Variants in GCA observed in about 807,000 individuals in gnomAD.
GCA encodes the protein grancalcin, also known as grancalcin, EF-hand calcium-binding protein.
Under a neutral mutation model 32.6 loss-of-function variants are expected in GCA, and 30 were observed. The ratio of observed to expected loss-of-function variants is 0.92; its 90% CI spans 0.69 to 1.25. GCA has a LOEUF of 1.25. Among genes scored for constraint, GCA ranks in the 50% most tolerant of loss-of-function variants. GCA has a pLI of 0.00. For missense variants in GCA, 291 were observed against 266.8 expected (o/e 1.09, Z -0.63); for synonymous variants, 102 against 84.6 (o/e 1.21, Z -1.13).
chr2:162,357,588 A>G (rs754082880), intron 5 of GCA, among the ~76,000 whole-genome samples: 9 of 151,870 alleles, frequency 5.9e-5, no homozygotes, highest in African/African-American at 1.2e-4. Context: ...TCTGAACCCA[A>G]TGGAAGTGGG....
upstream of GCA, among the ~76,000 whole-genome samples, chr2:162,341,052 C>A (rs1051371433): frequency 6.6e-6 from 1 of 151,878 alleles, no homozygotes; most frequent in Non-Finnish European, 1.5e-5. Flanking sequence ...TTACTATTGT[C>A]TGTTCTCCCT....
chr2:162,351,035 T>TGCTC (rs1243467315), intron 2 of GCA, among the ~76,000 whole-genome samples: 288 of 152,254 alleles, frequency 1.9e-3, no homozygotes, highest in African/African-American at 6.5e-3. Flanking sequence ...GGCCTCATAA[T>TGCTC]TAATAATGCT....
Position 162,325,653 on chromosome 2 carries a change from C to T in GCA, c.-31+6428C>T, listed in dbSNP as rs541006834. Among the ~76,000 whole-genome samples, 254 of 152,226 alleles carry T rather than the reference C, an allele frequency of 1.7e-3. 1 individual carries two copies. Among genetic ancestry groups the T allele is most frequent in the Non-Finnish European group, 6.2e-4 (42 of 68,014 alleles). On this transcript the variant is annotated intron_variant, in intron 1 of 4. Transcript: ENST00000429691. ...TCATCCATTGGTACTGCTTCTCTTC[C>T]GGTTGGATAATGTTTGCCCCCTTCC... is the stretch of plus-strand genomic sequence containing the variant.
At chr2:162,363,177 TG>T (rs1303050060), downstream of GCA, among the ~76,000 whole-genome samples, 2 of 151,416 alleles carry the variant, frequency 1.3e-5, no homozygotes, top group Non-Finnish European at 3.0e-5. Flanking sequence ...TGTTTTCTTC[TG>T]CTTTTCTAGT....
intron 3 of GCA, among the ~76,000 whole-genome samples, chr2:162,355,996 C>T (rs948723867): frequency 2.6e-5 from 4 of 151,956 alleles, no homozygotes; most frequent in Non-Finnish European, 5.9e-5. Context: ...TGATTTGGCC[C>T]TCATTTGCCT....
intron 1 of GCA, among the ~76,000 whole-genome samples, chr2:162,329,730 A>G (rs1425189726): frequency 6.6e-6 from 1 of 151,956 alleles, no homozygotes; most frequent in East Asian, 1.9e-4. Context: ...GGTTTATTAC[A>G]TAGGTAAACT....
chr2:162,344,782 A>C (rs1028238571), intron 1 of GCA, among the ~76,000 whole-genome samples: 1 of 152,092 alleles, frequency 6.6e-6, no homozygotes, highest in African/African-American at 2.4e-5. Flanking sequence ...GGCGGGGGGA[A>C]GTTACTCTTT....
At position 162,344,243 on chromosome 2, in the gene GCA, C is replaced by T. The variant is rs757623211; in HGVS notation, c.-6C>T. 27 of 1,613,628 alleles carry T rather than the reference C, an allele frequency of 1.7e-5. No individual in the cohort carries two copies. The South Asian group carries it at 3.0e-4, about 18-fold the overall frequency. ...GGTGACGCTCGCTCCGCTCGTCCCG[C>T]TCGTCATGGCCTACCCGGGATACGG... On this transcript the variant is annotated 5_prime_UTR_variant, in exon 1 of 8. Coordinates refer to ENST00000437150, the MANE Select transcript of GCA (RefSeq NM_012198.5).
At chr2:162,324,586 A>G (rs1179444343) in intron 1 of GCA, among the ~76,000 whole-genome samples, 1 of 151,958 alleles carries the variant, frequency 6.6e-6, no homozygotes. Flanking sequence ...GGAGGTTTTT[A>G]TAGGTACAGG....
At chr2:162,356,732 T>A (rs1227147819) in intron 4 of GCA, 26 bp from the exon 5 acceptor site, 2 of 1,559,828 alleles carry the variant, frequency 1.3e-6, no homozygotes, top group Non-Finnish European at 1.8e-6. Flanking sequence ...GGTATCAGAA[T>A]TTATTTTTGT....
At chr2:162,364,189 T>C (rs77302324), downstream of GCA, among the ~76,000 whole-genome samples, 1,073 of 151,626 alleles carry the variant, frequency 7.1e-3, 20 homozygotes, top group African/African-American at 0.024. Context: ...CATACAGATA[T>C]TTGCATTCTA....
chr2:162,326,769 T>C lies in GCA; in HGVS notation c.-31+7544T>C, dbSNP rs552986802. Among the ~76,000 whole-genome samples the C allele has an allele frequency of 4.1e-4, 62 of 152,272 alleles. 1 individual carries two copies. Among genetic ancestry groups the C allele is most frequent in the African/African-American group, 1.4e-3 (57 of 41,562 alleles). Reference sequence around the variant, plus strand: ...CTGACCTCAGGTGATCTGCCTGCCTTGGCCTCCCAAAGTGCTGGGATTACA... The same window carrying C: ...CTGACCTCAGGTGATCTGCCTGCCTCGGCCTCCCAAAGTGCTGGGATTACA... On this transcript the variant is annotated intron_variant, in intron 1 of 4. Transcript: ENST00000429691.
At chr2:162,332,504 T>G (rs947654242) in intron 1 of GCA, among the ~76,000 whole-genome samples, 3 of 151,856 alleles carry the variant, frequency 2.0e-5, no homozygotes, top group African/African-American at 7.3e-5. Flanking sequence ...GTCCACAATG[T>G]CTTTAAACTG....
At position 162,353,144 on chromosome 2, in the gene GCA, T is replaced by G. The variant is rs371869390; in HGVS notation, c.262+737T>G. ...TAAAAAATTCATTATCTTATTTTAG[T>G]GAAATGTATAGTTAAGCAGCTTCTT... is the stretch of plus-strand genomic sequence containing the variant. On this transcript the variant is annotated intron_variant, in intron 3 of 7. Coordinates refer to ENST00000437150, the MANE Select transcript of GCA (RefSeq NM_012198.5). Among the ~76,000 whole-genome samples, 13 of 152,032 alleles carry G rather than the reference T, an allele frequency of 8.6e-5. No homozygotes were observed. The South Asian group carries it at 2.1e-3, about 24-fold the overall frequency.
At chr2:162,326,841 A>G (rs926062788) in intron 1 of GCA, among the ~76,000 whole-genome samples, 27 of 151,994 alleles carry the variant, frequency 1.8e-4, no homozygotes, top group African/African-American at 6.5e-4. Flanking sequence ...TTCCACAAAA[A>G]ACTCAGGGTA....
At chr2:162,342,503 C>T (rs1684484722), upstream of GCA, among the ~76,000 whole-genome samples, 2 of 152,308 alleles carry the variant, frequency 1.3e-5, no homozygotes, top group South Asian at 4.1e-4. Context: ...GGGTGTTGTA[C>T]ATGCACTGTG....
At chr2:162,360,077 C>G (rs1558904807) in intron 7 of GCA, 140 bp from the exon 8 acceptor site, 3 of 580,116 alleles carry the variant, frequency 5.2e-6, no homozygotes, top group Non-Finnish European at 9.2e-6. Context: ...GTCAACATTA[C>G]TGATATTTAT....
At chr2:162,347,164 C>T (rs1478577186) in intron 1 of GCA, among the ~76,000 whole-genome samples, 1 of 152,144 alleles carries the variant, frequency 6.6e-6, no homozygotes, top group East Asian at 1.9e-4. Flanking sequence ...AATGTTGACA[C>T]TTAAAGTTTC....
At chr2:162,358,633 A>G (rs961325149) in intron 5 of GCA, among the ~76,000 whole-genome samples, 1 of 151,404 alleles carries the variant, frequency 6.6e-6, no homozygotes, top group Non-Finnish European at 1.5e-5. Flanking sequence ...CTTGCAAGTA[A>G]TATGTTCAGT....
Sources: gnomAD v4.1 joint callset for allele counts (sites outside exome capture counted in the v4.1 genomes callset) on GRCh38, gnomAD v4.1.1 for gene constraint, MANE v1.5 for transcripts, NCBI Gene and HGNC (gene_info 2026-07-23, HGNC 2026-07-21) for gene names.